Variants in SPOCK3 observed in about 807,000 individuals in gnomAD.
SPOCK3 encodes testican-3.
SPOCK3 carries 30 observed loss-of-function variants against 56.6 expected under a neutral mutation model. That is an observed-to-expected ratio of 0.53 (90% CI 0.40 to 0.72). The LOEUF (loss-of-function observed/expected upper bound fraction) is 0.72, where lower values mean the gene tolerates loss of function less well. Among genes scored for constraint, SPOCK3 ranks in the 30% least tolerant of loss-of-function variants. The probability of loss-of-function intolerance (pLI) is 0.00; values close to 1 mark genes in which losing one functional copy is unlikely to be tolerated. For synonymous variants in SPOCK3, 196 were observed against 183.3 expected (o/e 1.07, Z -0.56); for missense variants, 527 against 530.0 (o/e 0.99, Z 0.06).
chr4:167,055,198 G>A (rs1754663378), intron 3 of SPOCK3, among the ~76,000 whole-genome samples: 1 of 152,032 alleles, frequency 6.6e-6, no homozygotes, highest in African/African-American at 2.4e-5. Context: ...GATCTAATAT[G>A]GATGTCCATA....
intron 5 of SPOCK3, among the ~76,000 whole-genome samples, chr4:166,896,074 C>T (rs1286736167): frequency 1.3e-5 from 2 of 151,982 alleles, no homozygotes; most frequent in Non-Finnish European, 2.9e-5. Context: ...TTAATCAGAG[C>T]AGTTAGAACA....
In SPOCK3 at chr4:166,734,242, C is replaced by G. The variant is rs867118197; in HGVS notation, c.*679G>C. 1.3e-5 allele frequency: 2 copies of G among 151,742 alleles called. No homozygotes were observed. The highest frequency in any genetic ancestry group is 6.6e-5 in the Admixed American group (1 of 15,182). The allele number at this position is 151,742 out of a possible 1,614,324, so 9.4% of individuals were successfully genotyped here. On this transcript the variant is annotated 3_prime_UTR_variant, in exon 11 of 11. Coordinates refer to ENST00000357545, the MANE Select transcript of SPOCK3 (RefSeq NM_001040159.2). ...AAAAAATCTGCATGAGACTGCCATC[C>G]AAATTAAAATACACATTGGGGAGAA...
chr4:167,068,380 T>C (rs185732073), intron 2 of SPOCK3, among the ~76,000 whole-genome samples: 91 of 151,902 alleles, frequency 6.0e-4, no homozygotes, highest in African/African-American at 2.1e-3. Flanking sequence ...TATTAATGTA[T>C]ACAAACTATT....
chr4:167,069,079 C>T (rs1365911514), intron 2 of SPOCK3, among the ~76,000 whole-genome samples: 2 of 151,866 alleles, frequency 1.3e-5, no homozygotes, highest in Non-Finnish European at 2.9e-5. Flanking sequence ...CAAAGATGGC[C>T]TTTATCAATG....
chr4:167,004,423 T>C (rs947488366), intron 3 of SPOCK3, among the ~76,000 whole-genome samples: 1 of 152,192 alleles, frequency 6.6e-6, no homozygotes, highest in African/African-American at 2.4e-5. Context: ...CGCCTGTGAG[T>C]ATCGTGGAAA....
chr4:167,120,275 G>A (rs763867928), intron 2 of SPOCK3, among the ~76,000 whole-genome samples: 20 of 151,882 alleles, frequency 1.3e-4, no homozygotes, highest in Non-Finnish European at 7.4e-5. Flanking sequence ...TATATAAAGT[G>A]GAAATGACAG....
intron 2 of SPOCK3, among the ~76,000 whole-genome samples, chr4:167,199,855 C>T (rs909408995): frequency 1.9e-4 from 28 of 150,270 alleles, no homozygotes; most frequent in African/African-American, 6.8e-4. Flanking sequence ...AGCATCTTTA[C>T]AAATTTGGAA....
At chr4:167,081,863 G>C (rs2150291195) in intron 2 of SPOCK3, among the ~76,000 whole-genome samples, 1 of 151,830 alleles carries the variant, frequency 6.6e-6, no homozygotes, top group East Asian at 2.0e-4. Context: ...TAAGATACAG[G>C]AGGAAACCAA....
At chr4:167,187,221 TTC>T (rs1732070203) in intron 2 of SPOCK3, among the ~76,000 whole-genome samples, 1 of 151,946 alleles carries the variant, frequency 6.6e-6, no homozygotes, top group South Asian at 2.1e-4. Flanking sequence ...TTACGTTTCA[TTC>T]ACACAAAACT....
intron 6 of SPOCK3, among the ~76,000 whole-genome samples, chr4:166,847,648 TA>T (rs1748213321): frequency 4.2e-4 from 6 of 14,344 alleles, no homozygotes; most frequent in African/African-American, 2.9e-3. Context: ...AATCCTAGTT[TA>T]TATATATATA....
chr4:167,053,654 C>T (rs1000962021), intron 3 of SPOCK3, among the ~76,000 whole-genome samples: 2 of 151,992 alleles, frequency 1.3e-5, no homozygotes, highest in South Asian at 2.1e-4. Context: ...CACTGCACTC[C>T]AGCCTGGGCG....
chr4:167,169,359 T>C (rs1730293901), intron 2 of SPOCK3, among the ~76,000 whole-genome samples: 1 of 152,170 alleles, frequency 6.6e-6, no homozygotes, highest in Admixed American at 6.5e-5. Context: ...GATGGAGCTG[T>C]CCAAGTCTGT....
rs546266057 is a variant in SPOCK3, at chr4:167,039,651, T to C, written c.235+22841A>G. Among the ~76,000 whole-genome samples the C allele has an allele frequency of 8.9e-4, 121 of 136,360 alleles. 1 individual carries two copies. The highest frequency in any genetic ancestry group is 3.3e-3 in the African/African-American group (117 of 35,520). The allele number at this position is 136,360 out of a possible 152,430, so 89.5% of individuals were successfully genotyped here. A position where few individuals can be genotyped will look rare whatever the true frequency, so the allele number is the denominator to read the frequency against. On this transcript the variant is annotated intron_variant, in intron 3 of 10. Transcript: ENST00000357545. ...TGAGTAGAGGATAGAAATGTATGCA[T>C]TGGCTCCTACCTCCATTTACTAAAT...
At chr4:166,869,742 C>T (rs1196326737) in intron 6 of SPOCK3, among the ~76,000 whole-genome samples, 1 of 151,946 alleles carries the variant, frequency 6.6e-6, no homozygotes, top group African/African-American at 2.4e-5. Context: ...AAAACACTGA[C>T]TCTTTTGGCA....
chr4:166,892,749 G>A (rs1200848140), intron 5 of SPOCK3, among the ~76,000 whole-genome samples: 2 of 152,062 alleles, frequency 1.3e-5, no homozygotes, highest in African/African-American at 4.8e-5. Context: ...GATCACTTAA[G>A]TTACGAGTTC....
At chr4:166,857,202 C>T (rs1163112839) in intron 6 of SPOCK3, among the ~76,000 whole-genome samples, 1 of 152,220 alleles carries the variant, frequency 6.6e-6, no homozygotes, top group Non-Finnish European at 1.5e-5. Flanking sequence ...GTTTATCCAG[C>T]TCACTCATGC....
At chr4:167,052,343 T>A (rs761857693) in intron 3 of SPOCK3, among the ~76,000 whole-genome samples, 24 of 152,172 alleles carry the variant, frequency 1.6e-4, no homozygotes, top group Non-Finnish European at 3.2e-4. Context: ...CTTAGCAGGT[T>A]TTCCTCAGGG....
At chr4:167,183,030 G>C (rs1056780849) in intron 2 of SPOCK3, among the ~76,000 whole-genome samples, 3 of 147,938 alleles carry the variant, frequency 2.0e-5, no homozygotes, top group Non-Finnish European at 4.5e-5. Context: ...GAGTTGAAGA[G>C]ACTGTGCAAG....
chr4:167,054,874 T>A (rs757221656), intron 3 of SPOCK3, among the ~76,000 whole-genome samples: 1 of 152,180 alleles, frequency 6.6e-6, no homozygotes, highest in Admixed American at 6.5e-5. Flanking sequence ...AGTGAAAATA[T>A]GTAATCGATA....
Sources: gnomAD v4.1 joint callset for allele counts (sites outside exome capture counted in the v4.1 genomes callset) on GRCh38, gnomAD v4.1.1 for gene constraint, MANE v1.5 for transcripts, NCBI Gene and HGNC (gene_info 2026-07-23, HGNC 2026-07-21) for gene names.